Variants in TPD52 observed in about 807,000 individuals in gnomAD.
TPD52 encodes the protein prostate and colon associated protein.
A neutral mutation model predicts 31.3 loss-of-function variants in TPD52; 17 were observed. The observed-to-expected ratio is 0.54, with a 90% CI of 0.37 to 0.82. The LOEUF is 0.82. TPD52 is among the 40% of genes least tolerant of loss of function. The probability of loss-of-function intolerance (pLI) is 0.00; values close to 1 mark genes in which losing one functional copy is unlikely to be tolerated. For synonymous variants in TPD52, 83 were observed against 89.6 expected (o/e 0.93, Z 0.42); for missense variants, 212 against 240.1 (o/e 0.88, Z 0.77).
At chr8:80,072,345 G>GTA (rs1813920201) in intron 1 of TPD52, among the ~76,000 whole-genome samples, 1 of 150,260 alleles carries the variant, frequency 6.7e-6, no homozygotes, top group Non-Finnish European at 1.5e-5. Context: ...GTGTGTGTGT[G>GTA]TGTATGTGTG....
chr8:80,097,235 G>A (rs1806403071), intron 1 of TPD52, among the ~76,000 whole-genome samples: 1 of 152,184 alleles, frequency 6.6e-6, no homozygotes, highest in African/African-American at 2.4e-5. Context: ...TGCAGAAGAA[G>A]TCTGAAGCTA....
At chr8:80,069,804 G>A (rs1344961480) in intron 1 of TPD52, among the ~76,000 whole-genome samples, 1 of 152,122 alleles carries the variant, frequency 6.6e-6, no homozygotes, top group Non-Finnish European at 1.5e-5. Context: ...GAGTCCTTGT[G>A]AATAATGTGC....
intron 1 of TPD52, among the ~76,000 whole-genome samples, chr8:80,140,938 G>A (rs1809786112): frequency 7.6e-6 from 1 of 131,330 alleles, no homozygotes. Flanking sequence ...CATTTTCAGG[G>A]GCAATACAAC....
chr8:80,053,299 G>C lies in TPD52; in HGVS notation c.267C>G (p.Asp89Glu). ...LKQNIAKGWQ[D>E]VTATSAYKKT... ...AAACATACGCAGATGTTGCTGTCAC[G>C]TCTTGCCACCCTTTGGCAATGTTCT... Residue 89 changes from aspartate (D) to glutamate (E), a missense_variant, in exon 3 of 8, where the codon GAC (aspartate) becomes GAG (glutamate). Physicochemically the swap from Asp to Glu is conservative, Grantham distance 45. Transcript: ENST00000518937. 1 of 1,613,446 alleles carries C rather than the reference G, an allele frequency of 6.2e-7. No homozygotes were observed. Among genetic ancestry groups the C allele is most frequent in the African/African-American group, 1.3e-5 (1 of 74,962 alleles).
chr8:80,031,767 G>A (rs1809699482), downstream of TPD52, among the ~76,000 whole-genome samples: 2 of 152,100 alleles, frequency 1.3e-5, no homozygotes, highest in South Asian at 4.1e-4. Flanking sequence ...TGATGGAGGA[G>A]GATCACTTGA....
chr8:80,088,986 C>T (rs994985657), intron 1 of TPD52, among the ~76,000 whole-genome samples: 6 of 152,186 alleles, frequency 3.9e-5, no homozygotes, highest in Non-Finnish European at 7.3e-5. Flanking sequence ...TGAACCACTG[C>T]GCCTGGCAGC....
At chr8:80,147,421 TCTCAACA>T (rs1410622657) in intron 1 of TPD52, among the ~76,000 whole-genome samples, 3 of 152,114 alleles carry the variant, frequency 2.0e-5, no homozygotes, top group African/African-American at 7.2e-5. Flanking sequence ...ACTCCAAAAC[TCTCAACA>T]GAGTTCAGCT....
intron 1 of TPD52, among the ~76,000 whole-genome samples, chr8:80,096,137 T>TC (rs1435107043): frequency 6.6e-6 from 1 of 152,124 alleles, no homozygotes; most frequent in Admixed American, 6.5e-5. Flanking sequence ...GCACCTGCAG[T>TC]CCCACCTGCT....
intron 1 of TPD52, among the ~76,000 whole-genome samples, chr8:80,154,403 C>T (rs375542004): frequency 5.7e-4 from 87 of 152,242 alleles, no homozygotes; most frequent in African/African-American, 1.9e-3. Context: ...CCAAGGTGGA[C>T]GTGACAATAC....
At chr8:80,101,123 A>G (rs1287297142) in intron 1 of TPD52, among the ~76,000 whole-genome samples, 1 of 152,232 alleles carries the variant, frequency 6.6e-6, no homozygotes, top group Non-Finnish European at 1.5e-5. Context: ...ATGTATGGGA[A>G]GAGAAATAAT....
chr8:80,167,373 G>A (rs1016090053), intron 1 of TPD52, among the ~76,000 whole-genome samples: 4 of 152,182 alleles, frequency 2.6e-5, no homozygotes, highest in Non-Finnish European at 4.4e-5. Context: ...GTGAGTGAGC[G>A]TATTTGTTTT....
chr8:80,078,790 A>C (rs1446224346), intron 1 of TPD52, among the ~76,000 whole-genome samples: 3 of 152,232 alleles, frequency 2.0e-5, no homozygotes, highest in Admixed American at 2.0e-4. Context: ...CGAACAGCTA[A>C]CAGGAATTGT....
chr8:80,149,723 C>T (rs1810444335), intron 1 of TPD52, among the ~76,000 whole-genome samples: 1 of 152,192 alleles, frequency 6.6e-6, no homozygotes, highest in African/African-American at 2.4e-5. Flanking sequence ...GTGACTCTTG[C>T]TGTGCTTTAG....
At chr8:80,033,690 G>A (rs183562913), downstream of TPD52, among the ~76,000 whole-genome samples, 11 of 152,264 alleles carry the variant, frequency 7.2e-5, no homozygotes, top group East Asian at 3.9e-4. Context: ...ATGGACAACC[G>A]TAGGGTGAGC....
At chr8:80,150,020 G>C (rs1810462704) in intron 1 of TPD52, among the ~76,000 whole-genome samples, 1 of 152,252 alleles carries the variant, frequency 6.6e-6, no homozygotes, top group Admixed American at 6.5e-5. Flanking sequence ...TTTCAAGGCA[G>C]CCCCTCCCAT....
chr8:80,123,023 C>G (rs969231547), intron 1 of TPD52: 1 of 152,360 alleles, frequency 6.6e-6, no homozygotes, highest in Non-Finnish European at 1.5e-5. Flanking sequence ...AAAGCCGGAA[C>G]TGCAAGCATG....
intron 3 of TPD52, 168 bp downstream of exon 3, chr8:80,053,114 G>A: frequency 1.6e-6 from 1 of 637,960 alleles, no homozygotes; most frequent in African/African-American, 1.9e-5. Context: ...AAAAATTGAA[G>A]TTACAAAAAA....
intron 1 of TPD52, chr8:80,066,859 T>C (rs180724126): frequency 6.6e-6 from 1 of 152,320 alleles, no homozygotes; most frequent in East Asian, 1.9e-4. Context: ...GTAACAATCA[T>C]ATAAGGCAAC....
intron 1 of TPD52, among the ~76,000 whole-genome samples, chr8:80,164,763 G>A (rs1023438916): frequency 3.8e-5 from 5 of 132,944 alleles, no homozygotes; most frequent in African/African-American, 1.6e-4. Flanking sequence ...GCACGCACCT[G>A]TAATCCCAGC....
Sources: gnomAD v4.1 joint callset for allele counts (sites outside exome capture counted in the v4.1 genomes callset) on GRCh38, gnomAD v4.1.1 for gene constraint, MANE v1.5 for transcripts, NCBI Gene and HGNC (gene_info 2026-07-23, HGNC 2026-07-21) for gene names.